The following FMN1 variants were observed in gnomAD, a reference collection of about 807,000 sequenced individuals.
FMN1 encodes formin-1.
A neutral mutation model predicts 132.4 loss-of-function variants in FMN1; 110 were observed. The observed-to-expected ratio is 0.83, with a 90% CI of 0.71 to 0.97. The LOEUF (loss-of-function observed/expected upper bound fraction) is 0.97. Among genes scored for constraint, FMN1 ranks in the 50% least tolerant of loss-of-function variants. FMN1 has a pLI of 0.00. For synonymous variants in FMN1, 722 were observed against 651.7 expected, an observed-to-expected ratio of 1.11 and a Z score of -1.64; for missense variants, 1,792 against 1,705.3, an observed-to-expected ratio of 1.05 and a Z score of -0.90.
At chr15:33,057,998 T>G (rs1445397565) in intron 6 of FMN1, among the ~76,000 whole-genome samples, 3 of 150,676 alleles carry the variant, frequency 2.0e-5, no homozygotes, top group Non-Finnish European at 3.0e-5. Flanking sequence ...GGGCTGGTGG[T>G]GGAAAGGCGT....
At chr15:32,980,002 T>A (rs994851252) in intron 7 of FMN1, among the ~76,000 whole-genome samples, 1 of 152,198 alleles carries the variant, frequency 6.6e-6, no homozygotes, top group Non-Finnish European at 1.5e-5. Flanking sequence ...GATTAGTCAC[T>A]TGAGAAATCT....
intron 4 of FMN1, among the ~76,000 whole-genome samples, chr15:33,094,864 T>C (rs1334130008): frequency 6.6e-6 from 1 of 152,114 alleles, no homozygotes; most frequent in South Asian, 2.1e-4. Flanking sequence ...GCACAGATGA[T>C]GCTAACAATG....
rs553439686 is a variant in FMN1, at chr15:32,871,727, C to T, written c.3836-14620G>A. On this transcript the variant is annotated intron_variant, in intron 16 of 20. Transcript: ENST00000616417. The stretch of plus-strand genomic sequence containing the variant: ...ATTAGTGGTCAAACTGTTTTTGGTA[C>T]AAAATGGGTTGTACCACAATGGGAG... 2.8e-4 allele frequency among the ~76,000 whole-genome samples: 43 copies of T among 152,270 alleles called. No homozygotes were observed. The Middle Eastern group carries it at 0.014, about 48-fold the overall frequency.
chr15:32,994,230 TCTCACACACA>T (rs1038218368), intron 7 of FMN1, among the ~76,000 whole-genome samples: 2 of 28,152 alleles, frequency 7.1e-5, no homozygotes, highest in African/African-American at 1.5e-4. Flanking sequence ...TCTCTCTCTC[TCTCACACACA>T]CACACACACA....
intron 17 of FMN1, among the ~76,000 whole-genome samples, chr15:32,852,377 G>A (rs2141268285): frequency 6.6e-6 from 1 of 152,004 alleles, no homozygotes; most frequent in South Asian, 2.1e-4. Flanking sequence ...TATTTTTACT[G>A]CCATTGCTTT....
intron 4 of FMN1, among the ~76,000 whole-genome samples, chr15:33,126,571 G>C (rs1963094721): frequency 6.6e-6 from 1 of 151,900 alleles, no homozygotes; most frequent in Non-Finnish European, 1.5e-5. Context: ...GAAGTTCTTA[G>C]CACTTCTGCC....
chr15:33,111,389 T>A (rs1232037568), intron 4 of FMN1, among the ~76,000 whole-genome samples: 4 of 152,110 alleles, frequency 2.6e-5, no homozygotes, highest in Admixed American at 2.6e-4. Context: ...GAGCCTAAAA[T>A]GGTACAGCAG....
At chr15:32,885,053 G>C (rs1468062683) in intron 16 of FMN1, among the ~76,000 whole-genome samples, 2 of 152,172 alleles carry the variant, frequency 1.3e-5, no homozygotes, top group Non-Finnish European at 2.9e-5. Context: ...GTGAGAAAGT[G>C]AATACTTTCT....
At chr15:33,075,305 G>A (rs2038165447) in intron 5 of FMN1, among the ~76,000 whole-genome samples, 1 of 152,150 alleles carries the variant, frequency 6.6e-6, no homozygotes, top group South Asian at 2.1e-4. Flanking sequence ...TCTAACAGAT[G>A]TTTTTAGCAT....
intron 5 of FMN1, among the ~76,000 whole-genome samples, chr15:33,086,370 A>T (rs1011322776): frequency 1.7e-5 from 2 of 115,658 alleles, no homozygotes; most frequent in Non-Finnish European, 3.7e-5. Context: ...AAATACAAAA[A>T]AAAATTTATC....
chr15:33,056,681 C>T (rs544876351), intron 6 of FMN1, among the ~76,000 whole-genome samples: 27 of 152,224 alleles, frequency 1.8e-4, no homozygotes, highest in Admixed American at 1.7e-3. Context: ...CTGTAACAGC[C>T]ACAAACTTTG....
In FMN1 at chr15:32,784,922, A is replaced by G. The variant is rs1430734525; in HGVS notation, c.4131-8003T>C. On this transcript the variant is annotated intron_variant, in intron 19 of 20. Transcript: ENST00000616417. ...TGTCTATTTGCCTCCTTTGCTTTTAATAGCTTCAGAATGAAAATTAAATAG... is the reference window on the plus strand; with the variant it reads ...TGTCTATTTGCCTCCTTTGCTTTTAGTAGCTTCAGAATGAAAATTAAATAG... 1.2e-4 allele frequency among the ~76,000 whole-genome samples: 18 copies of G among 152,152 alleles called. No individual in the cohort carries two copies. In the East Asian group the frequency reaches 3.5e-3, roughly 29 times the overall value.
intron 4 of FMN1, among the ~76,000 whole-genome samples, chr15:33,121,777 T>C (rs1306658889): frequency 6.6e-6 from 1 of 152,194 alleles, no homozygotes; most frequent in Non-Finnish European, 1.5e-5. Context: ...GTGATCCGCC[T>C]GCCTCAGCCT....
chr15:32,972,227 T>C (rs2031852985), intron 7 of FMN1, among the ~76,000 whole-genome samples: 1 of 152,212 alleles, frequency 6.6e-6, no homozygotes, highest in Non-Finnish European at 1.5e-5. Context: ...TAGCTTGCTC[T>C]TGGCTCTGGG....
At chr15:32,896,313 T>C (rs1325738787) in intron 15 of FMN1, among the ~76,000 whole-genome samples, 1 of 151,572 alleles carries the variant, frequency 6.6e-6, no homozygotes, top group Non-Finnish European at 1.5e-5. Flanking sequence ...AATTTTTGTC[T>C]AATTATTTTT....
intron 4 of FMN1, among the ~76,000 whole-genome samples, chr15:33,095,652 C>A (rs752034141): frequency 7.2e-5 from 11 of 151,968 alleles, no homozygotes; most frequent in Non-Finnish European, 1.5e-4. Flanking sequence ...CGATTACAGG[C>A]ATAAGTCATT....
At chr15:33,156,406 G>A (rs112221369) in intron 3 of FMN1, among the ~76,000 whole-genome samples, 4,768 of 148,942 alleles carry the variant, frequency 0.032, 278 homozygotes, top group African/African-American at 0.11. Context: ...TCAGCCTCCC[G>A]AATAGGTGGG....
intron 4 of FMN1, among the ~76,000 whole-genome samples, chr15:33,132,705 G>A (rs1158125677): frequency 6.6e-6 from 1 of 152,072 alleles, no homozygotes; most frequent in Non-Finnish European, 1.5e-5. Context: ...AACTTCGGGG[G>A]CCTTGGTGAT....
intron 7 of FMN1, among the ~76,000 whole-genome samples, chr15:32,998,339 C>A (rs71462834): frequency 0.019 from 2,837 of 152,268 alleles, 49 homozygotes; most frequent in Non-Finnish European, 0.026. Flanking sequence ...AGTTGCCTAG[C>A]ACTGATCTAG....
Sources: gnomAD v4.1 joint callset for allele counts (sites outside exome capture counted in the v4.1 genomes callset) on GRCh38, gnomAD v4.1.1 for gene constraint, MANE v1.5 for transcripts, NCBI Gene and HGNC (gene_info 2026-07-23, HGNC 2026-07-21) for gene names.